Variants in SFMBT1 observed in about 807,000 individuals in gnomAD.
SFMBT1 encodes the protein Scm like with four mbt domains 1, also known as scm-like with four MBT domains protein 1.
SFMBT1 carries 32 observed loss-of-function variants against 108.7 expected under a neutral mutation model. The observed-to-expected ratio is 0.29, with a 90% confidence interval of 0.22 to 0.40. The LOEUF is 0.40. Ranked by LOEUF, SFMBT1 falls within the 10% of genes least tolerant of loss-of-function variation. The pLI, the probability that SFMBT1 is intolerant of heterozygous loss-of-function variation, is 1.00. For synonymous variants in SFMBT1, 348 were observed against 369.5 expected, an observed-to-expected ratio of 0.94 and a Z score of 0.67; for missense variants, 816 against 1,059.6, an observed-to-expected ratio of 0.77 and a Z score of 3.19.
chr3:53,040,920 T>C (rs1489138135), intron 1 of SFMBT1, among the ~76,000 whole-genome samples: 1 of 143,940 alleles, frequency 6.9e-6, no homozygotes, highest in African/African-American at 2.5e-5. Flanking sequence ...TATACCTGCC[T>C]CAGCCTCCCG....
intron 15 of SFMBT1, 125 bp downstream of exon 15, chr3:52,913,353 A>G: frequency 8.1e-7 from 1 of 1,241,550 alleles, no homozygotes; most frequent in Non-Finnish European, 1.1e-6. Context: ...AAAACATGAG[A>G]AAAGTTAGTA....
Position 52,913,536 on chromosome 3 carries a change from C to G in SFMBT1, c.1562G>C (p.Arg521Thr), listed in dbSNP as rs1405537657. ...TACACATTGAGGCAGCTCAGCAATT[C>G]TTCCTTTGTTAAGATATGGCCCTGA... ...CFSGPYLNKG[R>T]IAELPQCVGP... is the part of the protein sequence containing the mutation. Residue 521 changes from arginine to threonine, a missense_variant, in exon 15 of 21, where the codon AGA becomes ACA. Coordinates refer to ENST00000394752, the MANE Select transcript of SFMBT1 (RefSeq NM_016329.4). 6.2e-7 allele frequency: 1 copy of G among 1,614,188 alleles called. No homozygotes were observed. Among genetic ancestry groups the G allele is most frequent in the Non-Finnish European group, 8.5e-7 (1 of 1,180,020 alleles).
At position 52,921,759 on chromosome 3, in the gene SFMBT1, A is replaced by G; in HGVS notation, c.1204T>C (p.Cys402Arg). 1 of 1,614,100 alleles carries G rather than the reference A, an allele frequency of 6.2e-7. No individual in the cohort carries two copies. The highest frequency in any genetic ancestry group is 8.5e-7 in the Non-Finnish European group (1 of 1,180,014). The change falls in exon 11 of 21, where the codon TGT becomes CGT. Residue 402 changes from cysteine (C) to arginine (R), a missense_variant. Physicochemically the swap from Cys to Arg is radical, Grantham distance 180 (BLOSUM62 -3). Transcript: ENST00000394752. ...CTCACTGCAGTGATGGTAGCAACAC[A>G]CACTTCTTCAGGGAGAATGGGGTTC... Reference protein sequence around the residue: ...AVNPILPEEVCVATITAVRGS... With the variant: ...AVNPILPEEVRVATITAVRGS...
chr3:52,998,252 C>T (rs1198910405), intron 1 of SFMBT1, among the ~76,000 whole-genome samples: 1 of 149,600 alleles, frequency 6.7e-6, no homozygotes, highest in Admixed American at 6.8e-5. Flanking sequence ...ATTTGCCGGG[C>T]GTGGTGGCGG....
chr3:52,940,363 T>C lies in SFMBT1; in HGVS notation c.364+2990A>G, dbSNP rs1275233819. Among the ~76,000 whole-genome samples, 3 of 152,242 alleles carry C rather than the reference T, an allele frequency of 2.0e-5. No individual in the cohort carries two copies. In the South Asian group the frequency reaches 6.2e-4, roughly 32 times the overall value. The stretch of plus-strand genomic sequence containing the variant: ...GCAAAATGCTTCTTGAGCCAAAAAA[T>C]AAGAAACTGCTTAAAGAAAAATAAG... On this transcript the variant is annotated intron_variant, in intron 4 of 20. Coordinates refer to ENST00000394752, the MANE Select transcript of SFMBT1 (RefSeq NM_016329.4).
intron 2 of SFMBT1, among the ~76,000 whole-genome samples, chr3:52,959,349 G>A (rs1209689393): frequency 6.6e-6 from 1 of 152,086 alleles, no homozygotes; most frequent in Non-Finnish European, 1.5e-5. Flanking sequence ...CTAGTCCAAG[G>A]TCTAACCACA....
intron 1 of SFMBT1, among the ~76,000 whole-genome samples, chr3:52,983,368 T>C (rs111411057): frequency 5.3e-5 from 8 of 152,224 alleles, no homozygotes; most frequent in Non-Finnish European, 7.3e-5. Context: ...TACGTGTTGA[T>C]TGACTGCTTA....
At chr3:53,041,720 A>AAAT (rs1700061971) in intron 1 of SFMBT1, among the ~76,000 whole-genome samples, 1 of 150,702 alleles carries the variant, frequency 6.6e-6, no homozygotes, top group Non-Finnish European at 1.5e-5. Flanking sequence ...AAAAAAAAAA[A>AAAT]AAAAAAAAAA....
At chr3:52,970,214 A>C (rs990457896) in intron 1 of SFMBT1, among the ~76,000 whole-genome samples, 4 of 152,196 alleles carry the variant, frequency 2.6e-5, no homozygotes, top group African/African-American at 9.6e-5. Flanking sequence ...TGTAACCATC[A>C]TAATTGAATT....
chr3:52,966,181 G>A (rs1481624644), intron 2 of SFMBT1, among the ~76,000 whole-genome samples: 75 of 148,186 alleles, frequency 5.1e-4, no homozygotes, highest in Non-Finnish European at 7.9e-4. Context: ...GCCGGGCGTG[G>A]TGGCGGGCGC....
chr3:52,917,327 T>C (rs1400592239), intron 13 of SFMBT1, among the ~76,000 whole-genome samples: 2 of 152,084 alleles, frequency 1.3e-5, no homozygotes, highest in Non-Finnish European at 2.9e-5. Context: ...GTAATTAAGA[T>C]TAAATGAGGT....
intron 3 of SFMBT1, among the ~76,000 whole-genome samples, chr3:52,945,715 G>A (rs1320199584): frequency 6.6e-6 from 1 of 151,458 alleles, no homozygotes; most frequent in Non-Finnish European, 1.5e-5. Context: ...ACAAAGGCAG[G>A]AGAATGGCAT....
At chr3:52,944,314 G>C (rs1181511305) in intron 3 of SFMBT1, among the ~76,000 whole-genome samples, 1 of 152,100 alleles carries the variant, frequency 6.6e-6, no homozygotes, top group African/African-American at 2.4e-5. Flanking sequence ...ATCTGAACAG[G>C]GACATGATGA....
At chr3:52,914,884 G>A (rs1428513248) in intron 14 of SFMBT1, among the ~76,000 whole-genome samples, 1 of 152,212 alleles carries the variant, frequency 6.6e-6, no homozygotes, top group Non-Finnish European at 1.5e-5. Context: ...TATGTTGGCA[G>A]CTTACAGTTC....
chr3:52,923,736 A>C (rs1702580474), intron 10 of SFMBT1, among the ~76,000 whole-genome samples: 1 of 152,186 alleles, frequency 6.6e-6, no homozygotes, highest in South Asian at 2.1e-4. Flanking sequence ...AAAGATTTAA[A>C]AAGCAGAGGT....
chr3:52,916,453 A>C (rs1702359857), intron 13 of SFMBT1, among the ~76,000 whole-genome samples: 1 of 150,078 alleles, frequency 6.7e-6, no homozygotes, highest in African/African-American at 2.5e-5. Flanking sequence ...GCGGGTCACA[A>C]GGTCAGGAGA....
At chr3:52,999,514 T>C (rs1241185090) in intron 1 of SFMBT1, among the ~76,000 whole-genome samples, 1 of 150,364 alleles carries the variant, frequency 6.7e-6, no homozygotes, top group Non-Finnish European at 1.5e-5. Context: ...GCAAAAAGCC[T>C]TGGCCAGTGC....
chr3:52,981,164 G>GA lies in SFMBT1; in HGVS notation c.-130-11907dup, dbSNP rs35322172. On this transcript the variant is annotated intron_variant, in intron 1 of 20. Transcript: ENST00000394752. ...GCAACAAGAGCGAAATTCCATCTCA[G>GA]AAAAAAAAAAAAAAAAGGTGAAGGA... is the stretch of plus-strand genomic sequence containing the variant. Among the ~76,000 whole-genome samples the GA allele has an allele frequency of 4.4e-3, 474 of 107,358 alleles. 1 individual carries two copies. Among genetic ancestry groups the GA allele is most frequent in the African/African-American group, 0.012 (291 of 25,010 alleles). The allele number at this position is 107,358 out of a possible 152,430, so 70.4% of individuals were successfully genotyped here. A position where few individuals can be genotyped will look rare whatever the true frequency, so the allele number is the denominator to read the frequency against.
At chr3:53,030,802 C>T (rs1699659497) in intron 1 of SFMBT1, among the ~76,000 whole-genome samples, 1 of 150,926 alleles carries the variant, frequency 6.6e-6, no homozygotes, top group Non-Finnish European at 1.5e-5. Context: ...AGTTCAATTA[C>T]ATTTTATATG....
Sources: allele counts gnomAD v4.1 joint callset (sites outside exome capture counted in the v4.1 genomes callset), GRCh38; gene constraint gnomAD v4.1.1; transcripts MANE v1.5; gene names NCBI Gene and HGNC (gene_info 2026-07-23, HGNC 2026-07-21).